MBD5: variants seen among roughly 807,000 people sequenced by gnomAD.
MBD5 encodes methyl-CpG binding domain protein 5, also known as methyl-CpG-binding domain protein 5.
Under a neutral mutation model 117.3 loss-of-function variants are expected in MBD5, and 13 were observed. The ratio of observed to expected loss-of-function variants is 0.11; its 90% CI spans 0.07 to 0.18. The LOEUF (loss-of-function observed/expected upper bound fraction) is 0.18, where lower values mean the gene tolerates loss of function less well. Among genes scored for constraint, MBD5 ranks in the 10% least tolerant of loss-of-function variants. The pLI is 1.00. For synonymous variants in MBD5, 727 were observed against 766.4 expected (o/e 0.95, Z 0.85); for missense variants, 1,879 against 2,093.8 (o/e 0.90, Z 2.00).
rs965094426 is a variant in MBD5 at position 148,502,177 on chromosome 2, A to G, written c.4963-259A>G. On this transcript the variant is annotated intron_variant, in intron 11 of 13. Transcript: ENST00000642680. ...GAATTGAAGGTTGTTTAAATTCCAG[A>G]TTTTATTCCCAAAATATTATTTTCA... 4.6e-5 allele frequency among the ~76,000 whole-genome samples: 7 copies of G among 152,186 alleles called. No individual in the cohort carries two copies. In the East Asian group the frequency reaches 1.3e-3, roughly 29 times the overall value.
At chr2:148,094,190 T>C (rs970807479) in intron 1 of MBD5, among the ~76,000 whole-genome samples, 3 of 152,184 alleles carry the variant, frequency 2.0e-5, no homozygotes, top group Admixed American at 2.0e-4. Context: ...ACTTGTATGT[T>C]GAGACCTTGT....
chr2:148,077,614 G>A (rs1695539638), intron 1 of MBD5, among the ~76,000 whole-genome samples: 1 of 152,232 alleles, frequency 6.6e-6, no homozygotes. Context: ...AATATATAGT[G>A]TCCTGCTCCA....
chr2:148,259,287 T>C (rs181060110), intron 3 of MBD5, among the ~76,000 whole-genome samples: 1 of 152,268 alleles, frequency 6.6e-6, no homozygotes, highest in Non-Finnish European at 1.5e-5. Flanking sequence ...GTAGTTCTTC[T>C]AGTGCAGTCA....
At chr2:148,072,973 T>C (rs1695402923) in intron 1 of MBD5, among the ~76,000 whole-genome samples, 1 of 152,124 alleles carries the variant, frequency 6.6e-6, no homozygotes. Flanking sequence ...CAAAAAATGA[T>C]ATAGGAGATG....
At chr2:148,398,867 A>G (rs1574381667) in intron 4 of MBD5, among the ~76,000 whole-genome samples, 1 of 152,236 alleles carries the variant, frequency 6.6e-6, no homozygotes, top group East Asian at 1.9e-4. Context: ...AGCTTTCTAC[A>G]TATGGCTAGC....
chr2:148,280,151 C>CAAAAAAAAAAAAAAAA (rs1474298212), intron 3 of MBD5, among the ~76,000 whole-genome samples: 1 of 92,608 alleles, frequency 1.1e-5, no homozygotes, highest in African/African-American at 4.1e-5. Flanking sequence ...AAAAAAAAAA[C>CAAAAAAAAAAAAAAAA]AAAAAGAAAA....
rs142197576 is a variant in MBD5, at chr2:148,373,886, C to A, written c.-557+31550C>A. ...TCTTTCAGTGATGAATACAGGCTTA[C>A]CTTATATCAGTAGTAACATAATACA... is the stretch of plus-strand genomic sequence containing the variant. On this transcript the variant is annotated intron_variant, in intron 4 of 13. Coordinates refer to ENST00000642680, the MANE Select transcript of MBD5 (RefSeq NM_001378120.1). Among the ~76,000 whole-genome samples, 414 of 152,170 alleles carry A rather than the reference C, an allele frequency of 2.7e-3. 1 individual carries two copies. Among genetic ancestry groups the A allele is most frequent in the African/African-American group, 9.6e-3 (400 of 41,522 alleles).
At chr2:148,252,354 G>C (rs939475684) in intron 3 of MBD5, among the ~76,000 whole-genome samples, 2 of 152,036 alleles carry the variant, frequency 1.3e-5, no homozygotes, top group African/African-American at 4.8e-5. Context: ...CAGCTACTGG[G>C]GAGACTGAAA....
chr2:148,467,180 A>G (rs1176530109), intron 7 of MBD5, among the ~76,000 whole-genome samples: 1 of 152,090 alleles, frequency 6.6e-6, no homozygotes, highest in Admixed American at 6.6e-5. Context: ...GCTACCACCA[A>G]TTGGTGGGAA....
intron 3 of MBD5, among the ~76,000 whole-genome samples, chr2:148,301,283 G>GT (rs971824803): frequency 2.0e-5 from 3 of 152,206 alleles, no homozygotes; most frequent in African/African-American, 7.2e-5. Flanking sequence ...AAGGGACAGT[G>GT]TGTCTGGAAG....
intron 2 of MBD5, among the ~76,000 whole-genome samples, chr2:148,180,343 CATAT>C (rs70992196): frequency 9.5e-6 from 1 of 105,544 alleles, no homozygotes; most frequent in Admixed American, 1.1e-4. Context: ...AAAAATTATA[CATAT>C]ATATATATAT....
intron 4 of MBD5, among the ~76,000 whole-genome samples, chr2:148,427,861 A>G (rs1705853947): frequency 6.6e-6 from 1 of 152,154 alleles, no homozygotes; most frequent in Non-Finnish European, 1.5e-5. Context: ...AAAAAGAGCT[A>G]TGTATGACAA....
chr2:148,488,899 A>G (rs1042992300), intron 10 of MBD5, among the ~76,000 whole-genome samples: 4 of 151,402 alleles, frequency 2.6e-5, no homozygotes, highest in Admixed American at 6.5e-5. Context: ...ATTATTAAGA[A>G]AGGAGTTTAT....
At chr2:148,331,221 ATTAAAG>A (rs1702637036) in intron 3 of MBD5, among the ~76,000 whole-genome samples, 1 of 152,222 alleles carries the variant, frequency 6.6e-6, no homozygotes, top group Non-Finnish European at 1.5e-5. Context: ...TCCACAGATT[ATTAAAG>A]TTAATTTTAT....
intron 3 of MBD5, among the ~76,000 whole-genome samples, chr2:148,326,537 A>T (rs1479472896): frequency 6.6e-6 from 1 of 152,192 alleles, no homozygotes; most frequent in African/African-American, 2.4e-5. Flanking sequence ...GGGTGCACAT[A>T]TATTTAGGAT....
intron 4 of MBD5, among the ~76,000 whole-genome samples, chr2:148,391,874 A>G (rs1346523647): frequency 6.6e-6 from 1 of 152,212 alleles, no homozygotes; most frequent in Non-Finnish European, 1.5e-5. Context: ...ACAAAGATAT[A>G]CAACATGTAT....
intron 3 of MBD5, among the ~76,000 whole-genome samples, chr2:148,248,877 TA>T (rs1390919290): frequency 6.6e-6 from 1 of 151,954 alleles, no homozygotes; most frequent in African/African-American, 2.4e-5. Context: ...AAATTAGGTA[TA>T]TAAAAAAGAG....
intron 4 of MBD5, among the ~76,000 whole-genome samples, chr2:148,375,885 A>G (rs899304240): frequency 6.6e-6 from 1 of 152,046 alleles, no homozygotes; most frequent in Non-Finnish European, 1.5e-5. Flanking sequence ...AGCTGCTCTG[A>G]CTATCATCGT....
chr2:148,384,484 A>T (rs970666017), intron 4 of MBD5, among the ~76,000 whole-genome samples: 1 of 152,230 alleles, frequency 6.6e-6, no homozygotes, highest in Non-Finnish European at 1.5e-5. Flanking sequence ...ATGGAAGAAC[A>T]TTCCATGCTC....
Sources: allele counts gnomAD v4.1 joint callset (sites outside exome capture counted in the v4.1 genomes callset), GRCh38; gene constraint gnomAD v4.1.1; transcripts MANE v1.5; gene names NCBI Gene and HGNC (gene_info 2026-07-23, HGNC 2026-07-21).